The following EIF3C variants were observed in gnomAD, a reference collection of about 807,000 sequenced individuals.
EIF3C encodes the protein eukaryotic translation initiation factor 3 subunit C, also known as cell migration-inducing protein 17.
In EIF3C, 2 loss-of-function variants were observed where a neutral mutation model predicts 11.1. The observed-to-expected ratio is 0.18, with a 90% CI of 0.07 to 0.57. The LOEUF (loss-of-function observed/expected upper bound fraction) is 0.57. EIF3C is among the 20% of genes least tolerant of loss of function. EIF3C has a pLI of 0.92. For synonymous variants in EIF3C, 2 were observed against 41.5 expected, an observed-to-expected ratio of 0.05 and a Z score of 3.66; for missense variants, 16 against 114.6, an observed-to-expected ratio of 0.14 and a Z score of 3.93.
chr16:28,727,860 C>CT (rs1407806410), intron 15 of EIF3C, among the ~76,000 whole-genome samples: 1 of 110,530 alleles, frequency 9.0e-6, no homozygotes, highest in East Asian at 2.3e-4. Flanking sequence ...TGGTGTTGGT[C>CT]TTTTTTTGAG....
At chr16:28,699,648 A>G (rs1442990634) in intron 1 of EIF3C, among the ~76,000 whole-genome samples, 2 of 88,932 alleles carry the variant, frequency 2.2e-5, no homozygotes, top group Non-Finnish European at 4.4e-5. Context: ...GGTTCAAGTG[A>G]TTCTCCTGCC....
At chr16:28,693,468 C>G (rs1252462741) in intron 1 of EIF3C, among the ~76,000 whole-genome samples, 1 of 6,310 alleles carries the variant, frequency 1.6e-4, no homozygotes, top group South Asian at 5.7e-3. Flanking sequence ...AGCCACCGCA[C>G]CTGGCCAGAG....
intron 15 of EIF3C, among the ~76,000 whole-genome samples, chr16:28,731,232 G>A (rs1465924578): frequency 7.8e-5 from 1 of 12,762 alleles, no homozygotes; most frequent in South Asian, 1.5e-3. Context: ...GCTGTGTTGC[G>A]CCCCTTGTTT....
At chr16:28,694,430 A>AG (rs1217164744) in intron 1 of EIF3C, among the ~76,000 whole-genome samples, 2 of 151,154 alleles carry the variant, frequency 1.3e-5, no homozygotes, top group East Asian at 1.9e-4. Context: ...CTTGGGTATG[A>AG]GGGGTCAGAG....
intron 1 of EIF3C, chr16:28,700,440 C>T (rs1567342102): frequency 2.6e-6 from 1 of 380,758 alleles, no homozygotes; most frequent in Non-Finnish European, 4.8e-6. Flanking sequence ...GGAACTTGGC[C>T]TTGGTGGGGT....
intron 1 of EIF3C, among the ~76,000 whole-genome samples, chr16:28,698,412 A>G (rs2048257043): frequency 1.2e-5 from 1 of 80,190 alleles, no homozygotes; most frequent in Non-Finnish European, 2.2e-5. Flanking sequence ...CCCGGACGGC[A>G]TGGCTGGCCA....
At chr16:28,731,095 A>C (rs1432119743) in intron 15 of EIF3C, among the ~76,000 whole-genome samples, 1 of 12,426 alleles carries the variant, frequency 8.0e-5, no homozygotes, top group South Asian at 2.2e-3. Context: ...CCAATATCAC[A>C]CCGCTGCACT....
intron 1 of EIF3C, among the ~76,000 whole-genome samples, chr16:28,692,183 C>T (rs1233725523): frequency 1.6e-3 from 87 of 53,786 alleles, no homozygotes; most frequent in African/African-American, 7.9e-3. Context: ...TTGTTTGAGA[C>T]TGAGTCTCAC....
At position 28,700,117 on chromosome 16, in the gene EIF3C, G is replaced by GGACAGTGGAGAGGGCGGGGAGGGGGA. The variant is rs1176535719; in HGVS notation, c.-31+11292_-31+11317dup. The stretch of plus-strand genomic sequence containing the variant: ...GACTTGAATGGGTGCTGGAGAGTGG[G>GGACAGTGGAGAGGGCGGGGAGGGGGA]GACAGTGGAGAGGGCGGGGAGGGGG... On this transcript the variant is annotated intron_variant, in intron 1 of 20. Transcript: ENST00000566501. 5.3e-4 allele frequency: 86 copies of GGACAGTGGAGAGGGCGGGGAGGGGGA among 160,944 alleles called. 13 individuals carry two copies. Among genetic ancestry groups the GGACAGTGGAGAGGGCGGGGAGGGGGA allele is most frequent in the Non-Finnish European group, 7.9e-4 (75 of 95,334 alleles). 10.0% of individuals were successfully genotyped at this position (160,944 alleles called of 1,614,324 possible).
intron 1 of EIF3C, among the ~76,000 whole-genome samples, chr16:28,698,105 G>T (rs2048251856): frequency 1.1e-5 from 1 of 92,972 alleles, no homozygotes; most frequent in African/African-American, 5.0e-5. Context: ...TCCCGGACGG[G>T]GCGGCTGGCC....
At chr16:28,700,914 T>A (rs1405744049) in intron 1 of EIF3C, 2 of 225,308 alleles carry the variant, frequency 8.9e-6, no homozygotes, top group Admixed American at 5.9e-5. Context: ...TTCTTTTTTT[T>A]TTTTGAGACG....
intron 1 of EIF3C, among the ~76,000 whole-genome samples, chr16:28,692,335 T>C: frequency 2.8e-5 from 1 of 36,036 alleles, no homozygotes. Context: ...TAATTTTTTT[T>C]TGTATTTTTA....
chr16:28,698,503 G>A (rs1183979007), intron 1 of EIF3C, among the ~76,000 whole-genome samples: 2 of 84,404 alleles, frequency 2.4e-5, no homozygotes, highest in African/African-American at 9.9e-5. Flanking sequence ...CCTCCCTCCC[G>A]GATGGGGCGG....
At chr16:28,690,852 CAA>C (rs1287467850) in intron 1 of EIF3C, among the ~76,000 whole-genome samples, 1 of 15,226 alleles carries the variant, frequency 6.6e-5, no homozygotes, top group Non-Finnish European at 9.7e-5. Context: ...ACTAAAAATA[CAA>C]AAAAATTAGC....
intron 15 of EIF3C, among the ~76,000 whole-genome samples, chr16:28,728,521 G>GT (rs1555491255): frequency 0.066 from 5,753 of 87,002 alleles, 930 homozygotes; most frequent in Admixed American, 0.16. Context: ...ATCTTTTAGG[G>GT]GTGTGTGTGT....
At chr16:28,713,047 G>A (rs445200) in intron 2 of EIF3C, among the ~76,000 whole-genome samples, 46,851 of 134,760 alleles carry the variant, frequency 0.35, 7,565 homozygotes, top group South Asian at 0.52. Context: ...GGGAAAAGAG[G>A]CAGGCAAGAT....
At position 28,727,648 on chromosome 16, in the gene EIF3C, TAAAC is replaced by T. The variant is rs1327658871; in HGVS notation, c.1818+405_1818+408del. On this transcript the variant is annotated intron_variant, in intron 15 of 20. Coordinates refer to ENST00000331666, the MANE Select transcript of EIF3C (RefSeq NM_003752.5). The stretch of plus-strand genomic sequence containing the variant: ...CCTGTCTGGGGGTACTGCTGGTTTT[TAAAC>T]AGCCCTCCTATTTGTGTTTCTATTC... 4.0e-5 allele frequency: 9 copies of T among 226,736 alleles called. 1 individual carries two copies. The highest frequency in any genetic ancestry group is 2.1e-4 in the Admixed American group (3 of 14,560). The allele number at this position is 226,736 out of a possible 1,614,324, so 14.0% of individuals were successfully genotyped here.
intron 15 of EIF3C, among the ~76,000 whole-genome samples, chr16:28,730,720 CCAT>C (rs1211448833): frequency 1.0e-5 from 1 of 96,626 alleles, no homozygotes; most frequent in African/African-American, 3.9e-5. Context: ...CTCTAAGCCA[CCAT>C]CATCTGCCTT....
intron 15 of EIF3C, among the ~76,000 whole-genome samples, chr16:28,730,005 A>G (rs1369196839): frequency 6.7e-6 from 1 of 150,304 alleles, no homozygotes; most frequent in African/African-American, 2.4e-5. Context: ...TATTCATATA[A>G]TGAATAACTA....
Sources: allele counts gnomAD v4.1 joint callset (sites outside exome capture counted in the v4.1 genomes callset), GRCh38; gene constraint gnomAD v4.1.1; transcripts MANE v1.5; gene names NCBI Gene and HGNC (gene_info 2026-07-23, HGNC 2026-07-21).